The following BMAL1 variants were observed in gnomAD, a reference collection of about 807,000 sequenced individuals.
BMAL1 encodes basic helix-loop-helix ARNT-like protein 1.
the BMAL1 span, among the ~76,000 whole-genome samples, chr11:13,277,413 G>A: frequency 6.6e-6 from 1 of 152,216 alleles, no homozygotes; most frequent in Non-Finnish European, 1.5e-5. Flanking sequence ...TGAGGGGAAA[G>A]GGAGAGGGCA....
At chr11:13,366,930 G>C in the BMAL1 span, 1 of 496,040 alleles carries the variant, frequency 2.0e-6, no homozygotes, top group African/African-American at 2.0e-5. Context: ...GCTATCTTTG[G>C]CTAAATGGAA....
At chr11:13,385,489 A>G in the BMAL1 span, among the ~76,000 whole-genome samples, 1 of 152,208 alleles carries the variant, frequency 6.6e-6, no homozygotes, top group Non-Finnish European at 1.5e-5. Flanking sequence ...GCTCACTAAA[A>G]TGGAGAGAAA....
the BMAL1 span, among the ~76,000 whole-genome samples, chr11:13,327,464 T>C: frequency 6.6e-6 from 1 of 152,144 alleles, no homozygotes; most frequent in South Asian, 2.1e-4. Context: ...CAAGTTCACC[T>C]GTCCCAAACT....
the BMAL1 span, among the ~76,000 whole-genome samples, chr11:13,281,099 G>A: frequency 5.9e-5 from 9 of 152,184 alleles, no homozygotes; most frequent in Non-Finnish European, 1.3e-4. Flanking sequence ...CACACAGGAA[G>A]CCTTTCCTTT....
the BMAL1 span, among the ~76,000 whole-genome samples, chr11:13,334,700 C>A: frequency 6.6e-6 from 1 of 152,196 alleles, no homozygotes; most frequent in Non-Finnish European, 1.5e-5. Flanking sequence ...ACAACTCCAG[C>A]AGTTACGGGG....
chr11:13,284,110 G>GTGTGTGTA, the BMAL1 span, among the ~76,000 whole-genome samples: 5 of 48,514 alleles, frequency 1.0e-4, no homozygotes, highest in Non-Finnish European at 1.9e-4. Flanking sequence ...GTGTGTGTGT[G>GTGTGTGTA]TATATATATG....
chr11:13,284,202 ATATATATGTGTATATATATATATATG>A, the BMAL1 span, among the ~76,000 whole-genome samples: 2 of 47,438 alleles, frequency 4.2e-5, no homozygotes, highest in African/African-American at 1.5e-4. Flanking sequence ...ATGTGTGTAT[ATATATATGTGTATATATATATATATG>A]TGTGTGTATA....
At chr11:13,354,700 A>G in the BMAL1 span, 2 of 457,478 alleles carry the variant, frequency 4.4e-6, no homozygotes, top group Non-Finnish European at 7.8e-6. Flanking sequence ...AGAGAAAAAG[A>G]ACAGCCTTAA....
chr11:13,344,295 G>T, the BMAL1 span, among the ~76,000 whole-genome samples: 1 of 152,118 alleles, frequency 6.6e-6, no homozygotes, highest in Non-Finnish European at 1.5e-5. Context: ...AAAAAAGCAC[G>T]CCTTCCTCAA....
chr11:13,350,085 TC>T, the BMAL1 span: 6 of 152,146 alleles, frequency 3.9e-5, no homozygotes, highest in Admixed American at 2.0e-4. Context: ...CAAAGTAGTA[TC>T]CCCTCCCTGC....
chr11:13,374,158 T>C, the BMAL1 span: 1 of 1,614,058 alleles, frequency 6.2e-7, no homozygotes, highest in Admixed American at 1.7e-5. Context: ...ATGAATATTT[T>C]CACCAAGATG....
chr11:13,360,497 A>AT, the BMAL1 span: 1 of 1,414,434 alleles, frequency 7.1e-7, no homozygotes, highest in Non-Finnish European at 9.9e-7. Flanking sequence ...GCATGTGGGA[A>AT]TTTGATGTTT....
At chr11:13,284,266 A>ATATTTT in the BMAL1 span, among the ~76,000 whole-genome samples, 8 of 44,880 alleles carry the variant, frequency 1.8e-4, 2 homozygotes, top group East Asian at 2.0e-3. Flanking sequence ...ATATATATAT[A>ATATTTT]TTTTTTTTTT....
chr11:13,352,415 A>G, the BMAL1 span, among the ~76,000 whole-genome samples: 3 of 152,206 alleles, frequency 2.0e-5, no homozygotes, highest in Non-Finnish European at 2.9e-5. Flanking sequence ...AGCAGACACA[A>G]CGTAAGACAG....
the BMAL1 span, among the ~76,000 whole-genome samples, chr11:13,284,513 C>A: frequency 6.6e-6 from 1 of 151,368 alleles, no homozygotes; most frequent in Non-Finnish European, 1.5e-5. Context: ...GAGCTCTCGT[C>A]CTGAGCTCTG....
At chr11:13,365,009 T>C in the BMAL1 span, among the ~76,000 whole-genome samples, 2 of 152,132 alleles carry the variant, frequency 1.3e-5, no homozygotes, top group Admixed American at 6.6e-5. Context: ...CTGCTCCGAA[T>C]GTTGAGAACC....
chr11:13,284,362 A>C, the BMAL1 span, among the ~76,000 whole-genome samples: 2 of 150,186 alleles, frequency 1.3e-5, no homozygotes, highest in Non-Finnish European at 3.0e-5. Flanking sequence ...AATGTGTTAT[A>C]TAATGTTCAA....
chr11:13,326,374 C>G, the BMAL1 span: 2 of 152,198 alleles, frequency 1.3e-5, no homozygotes, highest in African/African-American at 4.8e-5. Context: ...ATCTGTATAG[C>G]TGGATTCTCA....
chr11:13,345,360 A>C, the BMAL1 span, among the ~76,000 whole-genome samples: 2 of 152,206 alleles, frequency 1.3e-5, no homozygotes, highest in Admixed American at 6.5e-5. Context: ...TGTCCTGATG[A>C]ACTCCCTGAT....
Sources: gnomAD v4.1 joint callset for allele counts (sites outside exome capture counted in the v4.1 genomes callset) on GRCh38, gnomAD v4.1.1 for gene constraint, MANE v1.5 for transcripts, NCBI Gene and HGNC (gene_info 2026-07-23, HGNC 2026-07-21) for gene names.